Variants in EPM2A observed in about 807,000 individuals in gnomAD.
EPM2A encodes the protein EPM2A glucan phosphatase, laforin, also known as laforin.
Under a neutral mutation model 26.5 loss-of-function variants are expected in EPM2A, and 21 were observed. The observed-to-expected ratio is 0.79, with a 90% CI of 0.56 to 1.14. The LOEUF is 1.14. EPM2A is among the 50% of genes most tolerant of loss of function. The pLI is 0.00. For missense variants in EPM2A, 458 were observed against 440.8 expected, an observed-to-expected ratio of 1.04 and a Z score of -0.35; for synonymous variants, 217 against 177.6, an observed-to-expected ratio of 1.22 and a Z score of -1.76.
intron 4 of EPM2A, among the ~76,000 whole-genome samples, chr6:145,386,516 C>T (rs1778263943): frequency 6.6e-6 from 1 of 151,998 alleles, no homozygotes; most frequent in African/African-American, 2.4e-5. Context: ...ACTAGATATT[C>T]CATTGGGAGT....
chr6:145,679,449 G>GA (rs910508972), intron 2 of EPM2A, among the ~76,000 whole-genome samples: 2 of 150,014 alleles, frequency 1.3e-5, no homozygotes, highest in South Asian at 2.1e-4. Context: ...TATTTAAAAA[G>GA]AAAAAAAAGA....
chr6:145,422,951 T>C (rs1414350673), intron 4 of EPM2A, among the ~76,000 whole-genome samples: 1 of 152,170 alleles, frequency 6.6e-6, no homozygotes, highest in Admixed American at 6.5e-5. Context: ...GCTTATGTTT[T>C]ATATGAATAT....
chr6:145,539,561 T>C (rs192126160), intron 2 of EPM2A, among the ~76,000 whole-genome samples: 98 of 152,290 alleles, frequency 6.4e-4, no homozygotes, highest in South Asian at 2.1e-3. Flanking sequence ...AGAATGTCCA[T>C]CATTGTTTAT....
At chr6:145,668,649 C>G (rs991523059) in intron 2 of EPM2A, among the ~76,000 whole-genome samples, 1 of 152,082 alleles carries the variant, frequency 6.6e-6, no homozygotes, top group East Asian at 1.9e-4. Flanking sequence ...GGCAGTTCTG[C>G]TACTTATTGG....
chr6:145,436,624 C>T (rs1245548231), intron 4 of EPM2A, among the ~76,000 whole-genome samples: 2 of 151,962 alleles, frequency 1.3e-5, no homozygotes, highest in African/African-American at 2.4e-5. Flanking sequence ...TGTTTATTGG[C>T]TGTTGGTATA....
chr6:145,465,056 A>G (rs949143552), intron 4 of EPM2A, among the ~76,000 whole-genome samples: 31 of 149,838 alleles, frequency 2.1e-4, no homozygotes, highest in African/African-American at 7.6e-4. Flanking sequence ...CCTGGATAAT[A>G]TCCTGCAGAG....
intron 2 of EPM2A, among the ~76,000 whole-genome samples, chr6:145,595,020 G>T (rs896287070): frequency 4.0e-5 from 6 of 150,852 alleles, no homozygotes; most frequent in African/African-American, 1.2e-4. Context: ...TTAATTCATG[G>T]TATCAGACCT....
chr6:145,674,421 C>T (rs527281248), intron 2 of EPM2A, among the ~76,000 whole-genome samples: 1 of 152,228 alleles, frequency 6.6e-6, no homozygotes, highest in South Asian at 2.1e-4. Context: ...TGGAACAAAG[C>T]TGGACAGAGA....
chr6:145,517,847 G>T (rs406979), intron 2 of EPM2A, among the ~76,000 whole-genome samples: 71,327 of 151,848 alleles, frequency 0.47, 16,775 homozygotes, highest in South Asian at 0.6. Flanking sequence ...TTAAGTGGTA[G>T]CTCCAATAAT....
intron 1 of EPM2A, among the ~76,000 whole-genome samples, chr6:145,708,183 A>T (rs1398520552): frequency 1.3e-5 from 2 of 152,210 alleles, no homozygotes; most frequent in Admixed American, 6.5e-5. Context: ...GAGGAAGAAG[A>T]GCATAAAAGG....
intron 2 of EPM2A, chr6:145,639,361 A>G (rs931606669): frequency 6.6e-6 from 1 of 152,212 alleles, no homozygotes; most frequent in Non-Finnish European, 1.5e-5. Context: ...TTCAAGTCAC[A>G]TGAGGTACTT....
chr6:145,687,169 G>T (rs567469876), intron 1 of EPM2A, among the ~76,000 whole-genome samples: 19 of 152,252 alleles, frequency 1.2e-4, no homozygotes, highest in African/African-American at 4.6e-4. Flanking sequence ...GGGGCCTTTA[G>T]GAGATGATTA....
rs548740989 is a variant in EPM2A, at chr6:145,615,343, T to C, written c.340+19902A>G. Among the ~76,000 whole-genome samples the C allele has an allele frequency of 2.6e-5, 4 of 152,274 alleles. No individual in the cohort carries two copies. The East Asian group carries it at 7.7e-4, about 29-fold the overall frequency. ...TCTGCTGTCATGTGAGACATGCCCT[T>C]CACCTTCTGCCATGATTGTGAGGCC... On this transcript the variant is annotated intron_variant, in intron 2 of 3. Transcript: ENST00000450221.
upstream of EPM2A, chr6:145,735,709 C>T: frequency 4.0e-6 from 4 of 992,076 alleles, no homozygotes; most frequent in Non-Finnish European, 3.7e-6. Context: ...TCAGCGGAGC[C>T]GCTAGCTGCC....
rs1243794830 is a variant in EPM2A, at chr6:145,466,209, T to A, written c.555+36313A>T. Among the ~76,000 whole-genome samples, 3 of 147,096 alleles carry A rather than the reference T, an allele frequency of 2.0e-5. No individual in the cohort carries two copies. The East Asian group carries it at 5.9e-4, about 29-fold the overall frequency. The stretch of plus-strand genomic sequence containing the variant: ...CTACCATCAGAGTGAACAGGCAACC[T>A]ACAAAATGGGAGAAAATTTTCGCAA... On this transcript the variant is annotated intron_variant, in intron 4 of 4. Coordinates refer to the EPM2A transcript ENST00000638717.
In EPM2A at chr6:145,627,477, C is replaced by T. The variant is rs762852066; in HGVS notation, c.935G>A (p.Arg312Gln). The change falls in exon 4 of 4, where the codon CGG becomes CAG. Residue 312 changes from arginine to glutamine, a missense_variant. Coordinates refer to ENST00000367519, the MANE Select transcript of EPM2A (RefSeq NM_005670.4). Reference sequence around the variant, plus strand: ...TTTCTGGAAAAAATCTTCTTGTGCCCGGGCCAAGGCCTCTTCGTCAATGTA... The same window carrying T: ...TTTCTGGAAAAAATCTTCTTGTGCCTGGGCCAAGGCCTCTTCGTCAATGTA... ...AVYIDEEALA[R>Q]AQEDFFQKFG... 8.1e-6 allele frequency: 13 copies of T among 1,614,112 alleles called. No homozygotes were observed. The East Asian group carries it at 2.2e-4, about 28-fold the overall frequency.
At chr6:145,491,034 A>G (rs1779748059) in intron 4 of EPM2A, 2 of 899,914 alleles carry the variant, frequency 2.2e-6, no homozygotes, top group Non-Finnish European at 3.5e-6. Flanking sequence ...CTCAATTTCA[A>G]CAGGTTCTGA....
chr6:145,690,766 T>C (rs1300276887), intron 1 of EPM2A, among the ~76,000 whole-genome samples: 1 of 151,720 alleles, frequency 6.6e-6, no homozygotes, highest in Non-Finnish European at 1.5e-5. Context: ...AAATGAAGAA[T>C]CGGAATGTCT....
At chr6:145,410,945 G>A (rs987785067) in intron 4 of EPM2A, among the ~76,000 whole-genome samples, 2 of 152,164 alleles carry the variant, frequency 1.3e-5, no homozygotes, top group Admixed American at 6.5e-5. Flanking sequence ...CACAGCTTTA[G>A]CAGATGACCT....
Sources: gnomAD v4.1 joint callset for allele counts (sites outside exome capture counted in the v4.1 genomes callset) on GRCh38, gnomAD v4.1.1 for gene constraint, MANE v1.5 for transcripts, NCBI Gene and HGNC (gene_info 2026-07-23, HGNC 2026-07-21) for gene names.